The following OLFM3 variants were observed in gnomAD, a reference collection of about 807,000 sequenced individuals.
OLFM3 encodes olfactomedin 3.
OLFM3 carries 20 observed loss-of-function variants against 48.6 expected under a neutral mutation model. The observed-to-expected ratio is 0.41, with a 90% CI of 0.29 to 0.60. OLFM3 has a LOEUF of 0.60. Ranked by LOEUF, OLFM3 falls within the 20% of genes least tolerant of loss-of-function variation. The probability of loss-of-function intolerance (pLI) is 0.28; values close to 1 mark genes in which losing one functional copy is unlikely to be tolerated. For synonymous variants in OLFM3, 222 were observed against 198.1 expected, an observed-to-expected ratio of 1.12 and a Z score of -1.01; for missense variants, 437 against 544.3, an observed-to-expected ratio of 0.80 and a Z score of 1.96.
intron 1 of OLFM3, among the ~76,000 whole-genome samples, chr1:101,901,496 C>T (rs969292540): frequency 6.6e-6 from 1 of 151,924 alleles, no homozygotes; most frequent in African/African-American, 2.4e-5. Flanking sequence ...GAATAAGAGT[C>T]GGGACTTAAA....
intron 1 of OLFM3, among the ~76,000 whole-genome samples, chr1:101,982,568 A>T (rs932237366): frequency 1.3e-5 from 2 of 152,158 alleles, no homozygotes; most frequent in African/African-American, 4.8e-5. Context: ...CTTCCAAAGG[A>T]GATTAAAATT....
At chr1:101,805,057 T>G (rs749364800) in intron 5 of OLFM3, 142 bp from the exon 6 acceptor site, 87 of 642,168 alleles carry the variant, frequency 1.4e-4, no homozygotes, top group Middle Eastern at 8.2e-4. Flanking sequence ...CCTGCCGCAA[T>G]GTATTTCAGG....
chr1:101,855,423 A>G (rs1345239832), intron 1 of OLFM3, among the ~76,000 whole-genome samples: 1 of 152,090 alleles, frequency 6.6e-6, no homozygotes, highest in African/African-American at 2.4e-5. Flanking sequence ...GTTGTTAGTT[A>G]TGCTATCTCA....
chr1:101,888,760 G>T (rs993739789), intron 1 of OLFM3, among the ~76,000 whole-genome samples: 8 of 152,094 alleles, frequency 5.3e-5, no homozygotes, highest in African/African-American at 1.9e-4. Flanking sequence ...ATCTGACAAA[G>T]GGCTAATATC....
At chr1:101,919,994 T>C (rs1659046009) in intron 1 of OLFM3, among the ~76,000 whole-genome samples, 1 of 152,204 alleles carries the variant, frequency 6.6e-6, no homozygotes, top group Non-Finnish European at 1.5e-5. Context: ...TTACCTTGAC[T>C]CTTTTCTGTC....
At chr1:101,828,583 A>G (rs940830203) in intron 3 of OLFM3, among the ~76,000 whole-genome samples, 2 of 152,084 alleles carry the variant, frequency 1.3e-5, no homozygotes, top group African/African-American at 4.8e-5. Context: ...TTTGGGGTTT[A>G]TCTCAATTTT....
intron 1 of OLFM3, among the ~76,000 whole-genome samples, chr1:101,856,090 G>T (rs1415207708): frequency 6.6e-6 from 1 of 151,982 alleles, no homozygotes; most frequent in Non-Finnish European, 1.5e-5. Context: ...GAGATCTGCA[G>T]AGTAGGGTTT....
rs778945535 is a variant in OLFM3, at chr1:101,846,803, CACTT to C, written c.70-9782_70-9779del. The stretch of plus-strand genomic sequence containing the variant: ...TTTACAAAACAAAGCCCACTAAATG[CACTT>C]ACTTCTCAAGATGGCCAAACCCACC... On this transcript the variant is annotated intron_variant, in intron 1 of 5. Coordinates refer to ENST00000370103, the MANE Select transcript of OLFM3 (RefSeq NM_058170.4). The C allele has an allele frequency of 2.8e-6, 4 of 1,453,050 alleles. No homozygotes were observed. The South Asian group carries it at 4.6e-5, about 17-fold the overall frequency. The allele number at this position is 1,453,050 out of a possible 1,614,324, so 90.0% of individuals were successfully genotyped here. A position where few individuals can be genotyped will look rare whatever the true frequency, so the allele number is the denominator to read the frequency against.
At chr1:101,835,215 G>A (rs964983522) in intron 2 of OLFM3, among the ~76,000 whole-genome samples, 1 of 152,138 alleles carries the variant, frequency 6.6e-6, no homozygotes, top group Non-Finnish European at 1.5e-5. Context: ...AGCAAAATTG[G>A]ATGTAAAAGA....
At chr1:101,933,851 T>A (rs770777537) in intron 1 of OLFM3, among the ~76,000 whole-genome samples, 2 of 152,176 alleles carry the variant, frequency 1.3e-5, no homozygotes, top group Non-Finnish European at 2.9e-5. Context: ...AAGAATTTTG[T>A]ATCAGGCCAA....
chr1:101,842,534 G>A (rs1246446647), intron 1 of OLFM3, among the ~76,000 whole-genome samples: 1 of 152,146 alleles, frequency 6.6e-6, no homozygotes, highest in Non-Finnish European at 1.5e-5. Context: ...GTGACAGAGT[G>A]AGACTGTCTG....
At chr1:101,841,696 A>G (rs1383821766) in intron 1 of OLFM3, among the ~76,000 whole-genome samples, 1 of 152,230 alleles carries the variant, frequency 6.6e-6, no homozygotes, top group Non-Finnish European at 1.5e-5. Flanking sequence ...AGGGACAGGC[A>G]AAGTAAGAGA....
At chr1:101,827,319 A>T (rs921326663) in intron 3 of OLFM3, among the ~76,000 whole-genome samples, 1 of 146,472 alleles carries the variant, frequency 6.8e-6, no homozygotes, top group African/African-American at 2.5e-5. Flanking sequence ...CAGAGGAAGA[A>T]TTTTTTTTTT....
At chr1:101,815,976 A>T (rs1654318624) in intron 4 of OLFM3, among the ~76,000 whole-genome samples, 1 of 152,220 alleles carries the variant, frequency 6.6e-6, no homozygotes, top group African/African-American at 2.4e-5. Context: ...TCATCAAAGA[A>T]GCCCAAGAAT....
At chr1:101,866,890 C>G (rs1656882985) in intron 1 of OLFM3, among the ~76,000 whole-genome samples, 1 of 151,982 alleles carries the variant, frequency 6.6e-6, no homozygotes, top group African/African-American at 2.4e-5. Context: ...CATGTTGTGC[C>G]TGAGAGAAGA....
chr1:101,872,101 G>A (rs540931617), intron 1 of OLFM3, among the ~76,000 whole-genome samples: 1 of 152,084 alleles, frequency 6.6e-6, no homozygotes, highest in South Asian at 2.1e-4. Context: ...GTGTTTGAGA[G>A]GAAGGTAAGA....
intron 1 of OLFM3, among the ~76,000 whole-genome samples, chr1:101,929,071 A>C (rs1057345552): frequency 6.6e-6 from 1 of 152,130 alleles, no homozygotes; most frequent in African/African-American, 2.4e-5. Flanking sequence ...ATTGCACTCA[A>C]ACTGTCACAT....
intron 1 of OLFM3, among the ~76,000 whole-genome samples, chr1:101,954,687 G>C (rs1277417649): frequency 2.6e-5 from 4 of 152,010 alleles, no homozygotes; most frequent in Admixed American, 2.6e-4. Context: ...TGTTTCTAAT[G>C]TTTTATCAAT....
chr1:101,884,186 C>T (rs546074472), intron 1 of OLFM3, among the ~76,000 whole-genome samples: 2 of 151,988 alleles, frequency 1.3e-5, no homozygotes, highest in Non-Finnish European at 2.9e-5. Context: ...TGGCATTTCC[C>T]TCTTTACTTT....
Sources: allele counts gnomAD v4.1 joint callset (sites outside exome capture counted in the v4.1 genomes callset), GRCh38; gene constraint gnomAD v4.1.1; transcripts MANE v1.5; gene names NCBI Gene and HGNC (gene_info 2026-07-23, HGNC 2026-07-21).